Variants in ERC1 observed in about 807,000 individuals in gnomAD.
The protein encoded by ERC1 is ELKS/RAB6-interacting/CAST family member 1, also known as RAB6 interacting protein 2.
A neutral mutation model predicts 132.0 loss-of-function variants in ERC1; 56 were observed. The ratio of observed to expected loss-of-function variants is 0.42; its 90% CI spans 0.34 to 0.53. The LOEUF (loss-of-function observed/expected upper bound fraction) is 0.53, where lower values mean the gene tolerates loss of function less well. ERC1 is among the 20% of genes least tolerant of loss of function. The pLI is 0.03. For missense variants in ERC1, 1,202 were observed against 1,349.9 expected (o/e 0.89, Z 1.72); for synonymous variants, 478 against 476.1 (o/e 1.00, Z -0.05).
At chr12:1,255,773 C>T (rs1191497750) in intron 13 of ERC1, among the ~76,000 whole-genome samples, 1 of 151,566 alleles carries the variant, frequency 6.6e-6, no homozygotes, top group Non-Finnish European at 1.5e-5. Context: ...GCTGGGACTA[C>T]AGGCACCCAC....
At chr12:1,094,201 T>C (rs1380779568) in intron 3 of ERC1, among the ~76,000 whole-genome samples, 2 of 150,804 alleles carry the variant, frequency 1.3e-5, no homozygotes, top group African/African-American at 2.4e-5. Context: ...GTATTTTTAA[T>C]AGAGATGAGG....
intron 14 of ERC1, among the ~76,000 whole-genome samples, chr12:1,287,474 C>T (rs2079113191): frequency 6.6e-6 from 1 of 152,178 alleles, no homozygotes; most frequent in Admixed American, 6.5e-5. Context: ...ACATTTAAGT[C>T]AGCAAAATTG....
At chr12:1,058,643 G>A (rs1344146166) in intron 2 of ERC1, among the ~76,000 whole-genome samples, 1 of 151,898 alleles carries the variant, frequency 6.6e-6, no homozygotes, top group Non-Finnish European at 1.5e-5. Flanking sequence ...CTTCTGCTTT[G>A]TTCTTTTTTG....
In ERC1 at chr12:1,253,911, G is replaced by C. The variant is rs183922275; in HGVS notation, c.2488-9123G>C. Among the ~76,000 whole-genome samples the C allele has an allele frequency of 7.2e-5, 11 of 152,268 alleles. No individual in the cohort carries two copies. In the East Asian group the frequency reaches 2.1e-3, roughly 29 times the overall value. ...ATATAGGAGTCTTCTTCTTTAAGGA[G>C]ATGAGGGATTCTTTGAAAGGTCTTC... On this transcript the variant is annotated intron_variant, in intron 13 of 18. Coordinates refer to ENST00000360905, the MANE Select transcript of ERC1 (RefSeq NM_178040.4).
chr12:1,219,473 C>T (rs138247587), intron 12 of ERC1, among the ~76,000 whole-genome samples: 204 of 152,142 alleles, frequency 1.3e-3, no homozygotes, highest in African/African-American at 4.8e-3. Flanking sequence ...TTAGTAAGCC[C>T]GATCACACCT....
intron 1 of ERC1, among the ~76,000 whole-genome samples, chr12:1,004,356 A>C (rs2154133878): frequency 6.6e-6 from 1 of 151,302 alleles, no homozygotes; most frequent in Non-Finnish European, 1.5e-5. Flanking sequence ...TGGATTTAAA[A>C]ATTCATTTCT....
intron 14 of ERC1, 79 bp downstream of exon 14, chr12:1,263,244 C>T (rs2077255517): frequency 7.0e-7 from 1 of 1,423,858 alleles, no homozygotes; most frequent in Non-Finnish European, 9.8e-7. Context: ...TTTAGGTAAA[C>T]TATACATATT....
At chr12:1,479,995 C>T (rs754209486) in intron 18 of ERC1, among the ~76,000 whole-genome samples, 8 of 152,150 alleles carry the variant, frequency 5.3e-5, no homozygotes, top group Non-Finnish European at 1.2e-4. Context: ...AAGCATGTTC[C>T]ATTTTCTCTA....
chr12:1,095,193 G>A (rs771484810), intron 3 of ERC1, among the ~76,000 whole-genome samples: 2 of 152,054 alleles, frequency 1.3e-5, no homozygotes, highest in African/African-American at 2.4e-5. Flanking sequence ...ACTTTGGGAG[G>A]CTTAGGTGGG....
At chr12:1,103,084 A>C (rs1300221531) in intron 3 of ERC1, among the ~76,000 whole-genome samples, 1 of 152,172 alleles carries the variant, frequency 6.6e-6, no homozygotes, top group South Asian at 2.1e-4. Context: ...GCAGACTTTA[A>C]TATGCGTCTC....
At chr12:1,002,643 G>A (rs551515117) in intron 1 of ERC1, among the ~76,000 whole-genome samples, 1 of 152,140 alleles carries the variant, frequency 6.6e-6, no homozygotes, top group Non-Finnish European at 1.5e-5. Context: ...GCCCCAAAGA[G>A]TGTTTGAGAG....
In ERC1 at chr12:1,494,349, A is replaced by T. The variant is rs965182866; in HGVS notation, c.*4119A>T. On this transcript the variant is annotated 3_prime_UTR_variant, in exon 19 of 19. Coordinates refer to ENST00000360905, the MANE Select transcript of ERC1 (RefSeq NM_178040.4). ...CACTCAAAGGAATGTCTTAAAGAGG[A>T]TCTGGAGTTTCCCCCATGCAAATTA... The T allele has an allele frequency of 1.7e-5, 4 of 231,568 alleles. No homozygotes were observed. Among genetic ancestry groups the T allele is most frequent in the African/African-American group, 8.8e-5 (4 of 45,254 alleles). The allele number at this position is 231,568 out of a possible 1,614,324, so 14.3% of individuals were successfully genotyped here.
intron 13 of ERC1, among the ~76,000 whole-genome samples, chr12:1,258,514 G>A (rs1343002732): frequency 3.9e-5 from 6 of 152,192 alleles, no homozygotes. Context: ...GCAGAAGTAT[G>A]TGAAGTCTGT....
chr12:1,028,796 G>T (rs1211157347), intron 2 of ERC1, among the ~76,000 whole-genome samples: 1 of 148,708 alleles, frequency 6.7e-6, no homozygotes, highest in African/African-American at 2.5e-5. Flanking sequence ...TTCTTGCTTG[G>T]TTCTTTTCTC....
intron 17 of ERC1, among the ~76,000 whole-genome samples, chr12:1,423,291 C>T (rs544376854): frequency 3.3e-5 from 5 of 152,316 alleles, no homozygotes; most frequent in African/African-American, 9.6e-5. Flanking sequence ...AGTCTTCTAC[C>T]AGTCTCTTCA....
chr12:1,178,559 C>A (rs1304988693), intron 8 of ERC1, among the ~76,000 whole-genome samples: 4 of 151,910 alleles, frequency 2.6e-5, no homozygotes, highest in Non-Finnish European at 5.9e-5. Context: ...TGTATTTATA[C>A]ATAATATATA....
intron 7 of ERC1, among the ~76,000 whole-genome samples, chr12:1,138,196 T>A (rs1949509166): frequency 9.0e-6 from 1 of 110,732 alleles, no homozygotes; most frequent in Non-Finnish European, 1.7e-5. Context: ...CATATATAAT[T>A]ATATATGATA....
chr12:1,258,803 G>A (rs2076966666), intron 13 of ERC1, among the ~76,000 whole-genome samples: 1 of 152,198 alleles, frequency 6.6e-6, no homozygotes, highest in Non-Finnish European at 1.5e-5. Flanking sequence ...TTGCCGTGAA[G>A]AAATTCATAG....
chr12:1,015,503 A>G (rs1337489387), intron 1 of ERC1, among the ~76,000 whole-genome samples: 1 of 152,200 alleles, frequency 6.6e-6, no homozygotes, highest in African/African-American at 2.4e-5. Flanking sequence ...TGCTGGTACA[A>G]ACAATGCAAT....
Sources: gnomAD v4.1 joint callset for allele counts (sites outside exome capture counted in the v4.1 genomes callset) on GRCh38, gnomAD v4.1.1 for gene constraint, MANE v1.5 for transcripts, NCBI Gene and HGNC (gene_info 2026-07-23, HGNC 2026-07-21) for gene names.